The following NRN1L variants were observed in gnomAD, a reference collection of about 807,000 sequenced individuals.
NRN1L encodes neuritin 1 like, also known as neuritin-like protein.
In NRN1L, 12 loss-of-function variants were observed where a neutral mutation model predicts 8.8. That is an observed-to-expected ratio of 1.36 (90% CI 0.87 to 2.20). NRN1L has a LOEUF of 2.20. Ranked by LOEUF, NRN1L falls within the 30% of genes most tolerant of loss-of-function variation. NRN1L has a pLI of 0.00. For missense variants in NRN1L, 266 were observed against 232.4 expected (o/e 1.14, Z -0.94); for synonymous variants, 114 against 99.2 (o/e 1.15, Z -0.88).
rs532123557 is a variant in NRN1L, at chr16:67,886,168, G to A, written c.407G>A (p.Arg136Gln). 57 of 1,606,668 alleles carry A rather than the reference G, an allele frequency of 3.5e-5. 1 individual carries two copies. The Middle Eastern group carries it at 5.0e-4, about 14-fold the overall frequency. ...TCCGAAACCAACCAGGAGACGCTGC[G>A]GGCTACAGCGCCTGCACTCCCCATG... ...TGSETNQETLRATAPALPMAP... is the reference protein window; with the variant it reads ...TGSETNQETLQATAPALPMAP... The change falls in exon 3 of 3, where the codon CGG (arginine) becomes CAG (glutamine). Residue 136 changes from arginine to glutamine, a missense_variant. By Grantham distance (43) the Arg-to-Gln change is conservative (BLOSUM62 1). Coordinates refer to ENST00000339176, the MANE Select transcript of NRN1L (RefSeq NM_198443.2).
chr16:67,885,181 C>T (rs956676149), intron 1 of NRN1L, 199 bp downstream of exon 1: 3 of 603,134 alleles, frequency 5.0e-6, no homozygotes, highest in South Asian at 2.0e-5. Context: ...CCAAAATTTG[C>T]ATCCCCTCTT....
In NRN1L at chr16:67,886,200, G is replaced by A. The variant is rs752835644; in HGVS notation, c.439G>A (p.Ala147Thr). Residue 147 changes from alanine (A) to threonine (T), a missense_variant, in exon 3 of 3, where the codon GCG becomes ACG. Physicochemically the swap from Ala to Thr is moderately conservative, Grantham distance 58 (BLOSUM62 0). Coordinates refer to ENST00000339176, the MANE Select transcript of NRN1L (RefSeq NM_198443.2). ...AGCGCCTGCACTCCCCATGGCCCCTGCGCCCCCACTGCTGGCGGCTGCTCT... is the reference window on the plus strand; with the variant it reads ...AGCGCCTGCACTCCCCATGGCCCCTACGCCCCCACTGCTGGCGGCTGCTCT... ...ATAPALPMAP[A>T]PPLLAAALAL... The A allele has an allele frequency of 6.2e-6, 10 of 1,602,528 alleles. 1 individual carries two copies. In the South Asian group the frequency reaches 1.1e-4, roughly 18 times the overall value.
chr16:67,885,438 G>A, intron 1 of NRN1L: 2 of 487,504 alleles, frequency 4.1e-6, no homozygotes, highest in East Asian at 3.7e-5. Flanking sequence ...TCCTTTACAT[G>A]GACCCTTGTC....
At chr16:67,888,218 G>T (rs563546251), downstream of NRN1L, among the ~76,000 whole-genome samples, 1 of 152,314 alleles carries the variant, frequency 6.6e-6, no homozygotes, top group African/African-American at 2.4e-5. Context: ...CCTAAGTCCA[G>T]CATGGGTAGT....
At chr16:67,886,745 A>G (rs1419193327), downstream of NRN1L, among the ~76,000 whole-genome samples, 2 of 152,028 alleles carry the variant, frequency 1.3e-5, no homozygotes, top group Non-Finnish European at 2.9e-5. Context: ...CCCCCTCCCC[A>G]GCCTCTGGGC....
chr16:67,886,942 G>A (rs529270699), downstream of NRN1L, among the ~76,000 whole-genome samples: 51 of 152,324 alleles, frequency 3.3e-4, no homozygotes, highest in African/African-American at 1.2e-3. Flanking sequence ...GGCAAAAACT[G>A]GAGTCACCAT....
At position 67,886,204 on chromosome 16, in the gene NRN1L, C is replaced by A. The variant is rs1298697485; in HGVS notation, c.443C>A (p.Pro148His). ...CCTGCACTCCCCATGGCCCCTGCGC[C>A]CCCACTGCTGGCGGCTGCTCTGGCT... is the stretch of plus-strand genomic sequence containing the variant. ...TAPALPMAPA[P>H]PLLAAALALA... The change falls in exon 3 of 3, where the codon CCC becomes CAC. Residue 148 changes from proline to histidine, a missense_variant. Physicochemically the swap from Pro to His is moderately conservative, Grantham distance 77 (BLOSUM62 -2). Transcript: ENST00000339176. 2.5e-6 allele frequency: 4 copies of A among 1,602,000 alleles called. No homozygotes were observed. The highest frequency in any genetic ancestry group is 3.4e-6 in the Non-Finnish European group (4 of 1,179,262).
chr16:67,886,201 C>T lies in NRN1L; in HGVS notation c.440C>T (p.Ala147Val), dbSNP rs376155637. The T allele has an allele frequency of 2.9e-5, 47 of 1,601,880 alleles. No homozygotes were observed. Among genetic ancestry groups the T allele is most frequent in the African/African-American group, 5.3e-5 (4 of 74,886 alleles). Residue 147 changes from alanine (A) to valine (V), a missense_variant, in exon 3 of 3, where the codon GCG (alanine) becomes GTG (valine). By Grantham distance (64) the Ala-to-Val change is moderately conservative. Transcript: ENST00000339176. ...GCGCCTGCACTCCCCATGGCCCCTG[C>T]GCCCCCACTGCTGGCGGCTGCTCTG... ...ATAPALPMAP[A>V]PPLLAAALAL...
At chr16:67,886,894 T>C (rs947369378), downstream of NRN1L, among the ~76,000 whole-genome samples, 4 of 152,228 alleles carry the variant, frequency 2.6e-5, no homozygotes, top group Admixed American at 6.5e-5. Flanking sequence ...GGAGCCTTTG[T>C]TGAAGTCCAC....
chr16:67,886,204 C>T lies in NRN1L; in HGVS notation c.443C>T (p.Pro148Leu), dbSNP rs1298697485. The T allele has an allele frequency of 2.5e-6, 4 of 1,602,118 alleles. No individual in the cohort carries two copies. The African/African-American group carries it at 4.0e-5, about 16-fold the overall frequency. Residue 148 changes from proline to leucine, a missense_variant, in exon 3 of 3, where the codon CCC becomes CTC. Coordinates refer to ENST00000339176, the MANE Select transcript of NRN1L (RefSeq NM_198443.2). ...CCTGCACTCCCCATGGCCCCTGCGC[C>T]CCCACTGCTGGCGGCTGCTCTGGCT... ...TAPALPMAPA[P>L]PLLAAALALA...
At chr16:67,886,460 G>A (rs2058097008), downstream of NRN1L, 2 of 579,422 alleles carry the variant, frequency 3.5e-6, no homozygotes, top group Non-Finnish European at 6.0e-6. Flanking sequence ...TGGAATGGGC[G>A]GGGCTGAGGG....
rs765948716 is a variant in NRN1L at position 67,885,974 on chromosome 16, G to T, written c.213G>T (p.Arg71Ser). 1.9e-6 allele frequency: 3 copies of T among 1,614,052 alleles called. No individual in the cohort carries two copies. The highest frequency in any genetic ancestry group is 2.5e-6 in the Non-Finnish European group (3 of 1,179,982). The part of the protein sequence containing the change: ...GRGGELETIC[R>S]SWNDFHACAS... ...CCCCCTAATCCCACTCCCTTAACAG[G>T]TCTTGGAATGACTTCCATGCCTGTG... The change falls in exon 3 of 3, where the codon AGG becomes AGT. Residue 71 changes from arginine to serine, a missense_variant and splice_region_variant. By Grantham distance (110) the Arg-to-Ser change is moderately radical. Transcript: ENST00000339176.
At chr16:67,885,302 T>G in intron 1 of NRN1L, 1 of 527,600 alleles carries the variant, frequency 1.9e-6, no homozygotes, top group East Asian at 3.4e-5. Flanking sequence ...CTGCCTTGTC[T>G]CTCCAAAAAT....
intron 1 of NRN1L, chr16:67,885,408 C>T: frequency 4.2e-6 from 2 of 475,344 alleles, no homozygotes; most frequent in South Asian, 5.5e-5. Flanking sequence ...GGACCTCCCT[C>T]CCCTCCACCC....
chr16:67,887,689 T>TC (rs1325009760), downstream of NRN1L, among the ~76,000 whole-genome samples: 6 of 151,784 alleles, frequency 4.0e-5, no homozygotes, highest in Middle Eastern at 3.4e-3. Flanking sequence ...TTCACACCAT[T>TC]CTCCTGCCTC....
intron 1 of NRN1L, 144 bp downstream of exon 1, chr16:67,885,126 CAG>C (rs2058089948): frequency 1.5e-5 from 10 of 678,704 alleles, no homozygotes; most frequent in Middle Eastern, 3.9e-4. Flanking sequence ...GACTTCAGGA[CAG>C]AAAGTGAGAG....
At chr16:67,886,515 C>A, downstream of NRN1L, 1 of 501,348 alleles carries the variant, frequency 2.0e-6, no homozygotes, top group Non-Finnish European at 3.5e-6. Context: ...ACACTCATTT[C>A]CCAGTGGCAG....
intron 1 of NRN1L, chr16:67,885,430 C>T (rs1161033424): frequency 2.0e-6 from 1 of 489,362 alleles, no homozygotes; most frequent in Non-Finnish European, 3.6e-6. Context: ...GTCCTGACTC[C>T]TTTACATGGA....
chr16:67,888,469 A>T (rs2058102748), downstream of NRN1L, among the ~76,000 whole-genome samples: 3 of 151,970 alleles, frequency 2.0e-5, no homozygotes, highest in African/African-American at 7.3e-5. Flanking sequence ...TTGCTCTCTA[A>T]GTCCCTACTT....
Sources: gnomAD v4.1 joint callset for allele counts (sites outside exome capture counted in the v4.1 genomes callset) on GRCh38, gnomAD v4.1.1 for gene constraint, MANE v1.5 for transcripts, NCBI Gene and HGNC (gene_info 2026-07-23, HGNC 2026-07-21) for gene names.